SRRM2: variants seen among roughly 807,000 people sequenced by gnomAD.
SRRM2 encodes the protein serine/arginine repetitive matrix protein 2.
Under a neutral mutation model 213.8 loss-of-function variants are expected in SRRM2, and 30 were observed. The ratio of observed to expected loss-of-function variants is 0.14; its 90% CI spans 0.10 to 0.19. The LOEUF (loss-of-function observed/expected upper bound fraction) is 0.19, where lower values mean the gene tolerates loss of function less well. SRRM2 is among the 10% of genes least tolerant of loss of function. The pLI is 1.00. For synonymous variants in SRRM2, 2,025 were observed against 1,377.7 expected, an observed-to-expected ratio of 1.47 and a Z score of -10.40; for missense variants, 4,904 against 3,647.0, an observed-to-expected ratio of 1.34 and a Z score of -8.88.
In SRRM2 at chr16:2,767,979, C is replaced by G; in HGVS notation, c.7451C>G (p.Thr2484Arg). 1 of 1,614,158 alleles carries G rather than the reference C, an allele frequency of 6.2e-7. No individual in the cohort carries two copies. Among genetic ancestry groups the G allele is most frequent in the South Asian group, 1.1e-5 (1 of 91,080 alleles). Residue 2484 changes from threonine to arginine, a missense_variant, in exon 11 of 15, where the codon ACG (threonine) becomes AGG (arginine). Transcript: ENST00000301740. ...TCCTCTGGGGCAGTGGCAACGACCA[C>G]GTCCTCTGCTGGTGATCACAATGGC... ...SLSSGAVATT[T>R]SSAGDHNGML...
In SRRM2 at chr16:2,762,694, C is replaced by T. The variant is rs557517684; in HGVS notation, c.2166C>T (p.Gly722=). ...RSHSRTPQRR[G]RSGSSSERKN... ...ACTCTAGAACACCTCAAAGAAGAGG[C>T]AGATCTGGCTCATCTTCAGAGCGGA... The change falls in exon 11 of 15, where the codon GGC becomes GGT. Residue 722 remains glycine (G), a synonymous_variant. Transcript: ENST00000301740. 5.0e-6 allele frequency: 8 copies of T among 1,614,174 alleles called. No homozygotes were observed. The highest frequency in any genetic ancestry group is 5.9e-6 in the Non-Finnish European group (7 of 1,180,030).
In SRRM2 at chr16:2,766,985, G is replaced by A. The variant is rs779036102; in HGVS notation, c.6457G>A (p.Gly2153Ser). The A allele has an allele frequency of 2.4e-5, 38 of 1,613,934 alleles. No homozygotes were observed. Among genetic ancestry groups the A allele is most frequent in the Middle Eastern group, 3.3e-4 (2 of 6,084 alleles). ...RTPMSVLQQA[G>S]GSMMDGPGPR... ...ACCCATGTCTGTCCTGCAGCAAGCCGGCGGCTCCATGATGGATGGTCCAGG... is the reference window on the plus strand; with the variant it reads ...ACCCATGTCTGTCCTGCAGCAAGCCAGCGGCTCCATGATGGATGGTCCAGG... The change falls in exon 11 of 15, where the codon GGC (glycine) becomes AGC (serine). Residue 2153 changes from glycine to serine, a missense_variant. Coordinates refer to ENST00000301740, the MANE Select transcript of SRRM2 (RefSeq NM_016333.4). The surrounding 1 kb of genome is among the most constrained non-coding windows in gnomAD (Gnocchi z 7.0).
rs150901142 is a variant in SRRM2, at chr16:2,764,859, C to T, written c.4331C>T (p.Ser1444Phe). The change falls in exon 11 of 15, where the codon TCT becomes TTT. Residue 1444 changes from serine to phenylalanine, a missense_variant. Physicochemically the swap from Ser to Phe is radical, Grantham distance 155 (BLOSUM62 -2). Coordinates refer to ENST00000301740, the MANE Select transcript of SRRM2 (RefSeq NM_016333.4). ...TCAAGGAGAAGCAGGTCTGGGTCTTCTCCAGGACTTAGAGATGGGTCTGGG... is the reference window on the plus strand; with the variant it reads ...TCAAGGAGAAGCAGGTCTGGGTCTTTTCCAGGACTTAGAGATGGGTCTGGG... ...TPSRRSRSGS[S>F]PGLRDGSGTP... The T allele has an allele frequency of 3.8e-5, 61 of 1,614,086 alleles. No homozygotes were observed. The African/African-American group carries it at 6.3e-4, about 17-fold the overall frequency.
Position 2,767,656 on chromosome 16 carries a change from T to C in SRRM2, c.7128T>C (p.Ser2376=). 1.2e-6 allele frequency: 2 copies of C among 1,614,124 alleles called. No individual in the cohort carries two copies. Among genetic ancestry groups the C allele is most frequent in the Admixed American group, 1.7e-5 (1 of 60,022 alleles). The change falls in exon 11 of 15, where the codon TCT becomes TCC. Residue 2376 remains serine (S), a synonymous_variant. Coordinates refer to ENST00000301740, the MANE Select transcript of SRRM2 (RefSeq NM_016333.4). The part of the protein sequence containing the change: ...LTSARMAPAL[S]GANLTSPRVP... ...GTGCTAGGATGGCTCCAGCATTGTC[T>C]GGTGCAAACCTCACCAGCCCCAGGG...
chr16:2,767,913 T>G lies in SRRM2; in HGVS notation c.7385T>G (p.Leu2462Trp). Residue 2462 changes from leucine to tryptophan, a missense_variant, in exon 11 of 15, where the codon TTG (leucine) becomes TGG (tryptophan). By Grantham distance (61) the Leu-to-Trp change is moderately conservative. Coordinates refer to ENST00000301740, the MANE Select transcript of SRRM2 (RefSeq NM_016333.4). The stretch of plus-strand genomic sequence containing the variant: ...GCTTTTTCAGACCAATCCCGTTGTT[T>G]GATTGCCCAGACCACCCCTGTAGCA... ...PSAFSDQSRC[L>W]IAQTTPVAGS... 1 of 1,614,154 alleles carries G rather than the reference T, an allele frequency of 6.2e-7. No homozygotes were observed. The highest frequency in any genetic ancestry group is 8.5e-7 in the Non-Finnish European group (1 of 1,180,028).
chr16:2,760,280 G>C (rs767677390), intron 9 of SRRM2, 21 bp from the exon 10 acceptor site: 1 of 1,608,214 alleles, frequency 6.2e-7, no homozygotes, highest in South Asian at 1.1e-5. Flanking sequence ...CCTCTCCCAC[G>C]TCCTCAATTA....
rs2068486574 is a variant in SRRM2, at chr16:2,764,911, G to A, written c.4383G>A (p.Gly1461=). The A allele has an allele frequency of 6.2e-7, 1 of 1,614,170 alleles. No homozygotes were observed. The highest frequency in any genetic ancestry group is 8.5e-7 in the Non-Finnish European group (1 of 1,180,036). ...CTCCCTCGAGGCACAGCCTGTCTGGGTCCTCTCCTGGAATGAAAGATATAC... is the reference window on the plus strand; with the variant it reads ...CTCCCTCGAGGCACAGCCTGTCTGGATCCTCTCCTGGAATGAAAGATATAC... ...SGTPSRHSLS[G]SSPGMKDIPR... The change falls in exon 11 of 15, where the codon GGG becomes GGA. Residue 1461 remains glycine (G), a synonymous_variant. Coordinates refer to ENST00000301740, the MANE Select transcript of SRRM2 (RefSeq NM_016333.4).
At chr16:2,770,487 A>G (rs1467174369) in intron 13 of SRRM2, 22 bp downstream of exon 13, 2 of 1,591,190 alleles carry the variant, frequency 1.3e-6, no homozygotes, top group South Asian at 1.1e-5. Flanking sequence ...TGCAGGTGTC[A>G]GCACCCAGCC....
intron 12 of SRRM2, chr16:2,769,534 A>G (rs529625477): frequency 2.2e-5 from 14 of 644,104 alleles, no homozygotes; most frequent in Non-Finnish European, 4.0e-5. Flanking sequence ...CCCTCAACAC[A>G]TAGCCTGTTC....
Position 2,765,213 on chromosome 16 carries a change from C to G in SRRM2, c.4685C>G (p.Ser1562Cys), listed in dbSNP as rs769983402. ...CAGGAAAGAAGTGAGTCAGACTCTT[C>G]TCCAGATTCTAAAGCCAAGACAAGA... is the stretch of plus-strand genomic sequence containing the variant. ...SPQERSESDS[S>C]PDSKAKTRTP... Residue 1562 changes from serine to cysteine, a missense_variant, in exon 11 of 15, where the codon TCT becomes TGT. Physicochemically the swap from Ser to Cys is moderately radical, Grantham distance 112. Coordinates refer to ENST00000301740, the MANE Select transcript of SRRM2 (RefSeq NM_016333.4). 3 of 1,614,138 alleles carry G rather than the reference C, an allele frequency of 1.9e-6. No individual in the cohort carries two copies. The Admixed American group carries it at 5.0e-5, about 27-fold the overall frequency.
Position 2,759,562 on chromosome 16 carries a change from C to A in SRRM2, c.741-7C>A, listed in dbSNP as rs763935030. 6.2e-6 allele frequency: 10 copies of A among 1,613,936 alleles called. No homozygotes were observed. The Admixed American group carries it at 1.7e-4, about 27-fold the overall frequency. On this transcript the variant is annotated splice_polypyrimidine_tract_variant and splice_region_variant and intron_variant, in intron 8 of 14. Coordinates refer to ENST00000301740, the MANE Select transcript of SRRM2 (RefSeq NM_016333.4). ...TACCCTGAGCTGTGGTGGTGGTCTT[C>A]CTTCAGGTCTCGAAGTACAACACCA...
Position 2,767,730 on chromosome 16 carries a change from TCC to T in SRRM2, c.7203_7204del (p.Leu2402Ter). 1 of 1,612,658 alleles carries T rather than the reference TCC, an allele frequency of 6.2e-7. No homozygotes were observed. The highest frequency in any genetic ancestry group is 8.5e-7 in the Non-Finnish European group (1 of 1,179,766). On this transcript the variant is annotated frameshift_variant, in exon 11 of 15. Coordinates refer to ENST00000301740, the MANE Select transcript of SRRM2 (RefSeq NM_016333.4). LOFTEE classifies it high-confidence loss of function. Reference sequence around the variant, plus strand: ...GTCAGTGGCAGAACCTCACCACCGCTCCTTGACCGAGCTAGGTCCAGAACACC... The same window carrying T: ...GTCAGTGGCAGAACCTCACCACCGCTTTGACCGAGCTAGGTCCAGAACACC...
Position 2,770,917 on chromosome 16 carries a change from G to A in SRRM2, c.*50G>A, listed in dbSNP as rs201582275. ...ACCCAATGCTCTGGAGCCACAAGGA[G>A]TGTCCCTTCTTCCCCAGCAGAGCCG... On this transcript the variant is annotated 3_prime_UTR_variant, in exon 15 of 15. Transcript: ENST00000301740. 1.9e-6 allele frequency: 3 copies of A among 1,612,014 alleles called. No individual in the cohort carries two copies. Among genetic ancestry groups the A allele is most frequent in the Middle Eastern group, 1.8e-4 (1 of 5,502 alleles).
At chr16:2,754,265 A>G (rs1262422626) in intron 1 of SRRM2, among the ~76,000 whole-genome samples, 1 of 149,894 alleles carries the variant, frequency 6.7e-6, no homozygotes, top group Non-Finnish European at 1.5e-5. Context: ...TTGTGACCTA[A>G]TATCCTTTGC....
chr16:2,761,220 G>C (rs1157575230), intron 10 of SRRM2, among the ~76,000 whole-genome samples: 1 of 152,118 alleles, frequency 6.6e-6, no homozygotes, highest in Admixed American at 6.6e-5. Flanking sequence ...TTCTTCAAAG[G>C]TGAAGTTGCC....
At position 2,768,034 on chromosome 16, in the gene SRRM2, C is replaced by G. The variant is rs767793340; in HGVS notation, c.7506C>G (p.Pro2502=). The part of the protein sequence containing the change: ...GMLSVPAPGV[P]HSDVGEPPAS... ...TCTCTGTCCCTGCCCCTGGGGTGCC[C>G]CACTCTGATGTGGGGGAGCCACCTG... Residue 2502 remains proline (P), a synonymous_variant, in exon 11 of 15, where the codon CCC becomes CCG. Coordinates refer to ENST00000301740, the MANE Select transcript of SRRM2 (RefSeq NM_016333.4). The G allele has an allele frequency of 6.2e-7, 1 of 1,614,172 alleles. No homozygotes were observed. The highest frequency in any genetic ancestry group is 8.5e-7 in the Non-Finnish European group (1 of 1,180,006).
In SRRM2 at chr16:2,771,091, G is replaced by T; in HGVS notation, c.*224G>T. On this transcript the variant is annotated 3_prime_UTR_variant, in exon 15 of 15. Coordinates refer to ENST00000301740, the MANE Select transcript of SRRM2 (RefSeq NM_016333.4). ...TCATGTGTTCTGGGGGGTTTGGGGT[G>T]GGAGGGAATGCAGATGGGAGTTGGG... The T allele has an allele frequency of 1.9e-6, 1 of 519,158 alleles. No homozygotes were observed. The highest frequency in any genetic ancestry group is 3.4e-6 in the Non-Finnish European group (1 of 289,900). 32.2% of individuals were successfully genotyped at this position (519,158 alleles called of 1,614,324 possible).
rs773507318 is a variant in SRRM2 at position 2,762,112 on chromosome 16, C to A, written c.1584C>A (p.Pro528=). ...AGAGGTGGGGAAGATCTAGAAGCCC[C>A]CAGCGACGTGGCCGCTCTAGGTCTC... The part of the protein sequence containing the change: ...SAQRWGRSRS[P]QRRGRSRSPQ... The change falls in exon 11 of 15, where the codon CCC becomes CCA. Residue 528 remains proline (P), a synonymous_variant. Coordinates refer to ENST00000301740, the MANE Select transcript of SRRM2 (RefSeq NM_016333.4). The A allele has an allele frequency of 6.2e-7, 1 of 1,614,160 alleles. No individual in the cohort carries two copies. The highest frequency in any genetic ancestry group is 8.5e-7 in the Non-Finnish European group (1 of 1,180,016).
rs766697847 is a variant in SRRM2 at position 2,760,452 on chromosome 16, A to G, written c.985A>G (p.Lys329Glu). ...QRPSSPETATKQPSSPYEDKD... is the reference protein window; with the variant it reads ...QRPSSPETATEQPSSPYEDKD... ...GCCTAGTAGCCCGGAGACTGCTACG[A>G]AACAGCCTAGCAGCCCTTATGAAGA... Residue 329 changes from lysine (K) to glutamate (E), a missense_variant, in exon 10 of 15, where the codon AAA becomes GAA. Transcript: ENST00000301740. The G allele has an allele frequency of 6.2e-7, 1 of 1,614,216 alleles. No individual in the cohort carries two copies. The highest frequency in any genetic ancestry group is 1.1e-5 in the South Asian group (1 of 91,080).
Sources: gnomAD v4.1 joint callset for allele counts (sites outside exome capture counted in the v4.1 genomes callset) on GRCh38, gnomAD v4.1.1 for gene constraint, Gnocchi (gnomAD v3.1) non-coding constraint, MANE v1.5 for transcripts, NCBI Gene and HGNC (gene_info 2026-07-23, HGNC 2026-07-21) for gene names.